Variants in MDN1 observed in about 807,000 individuals in gnomAD.
MDN1 encodes midasin AAA ATPase 1.
A neutral mutation model predicts 669.2 loss-of-function variants in MDN1; 266 were observed. That is an observed-to-expected ratio of 0.40 (90% confidence interval 0.36 to 0.44). The LOEUF (loss-of-function observed/expected upper bound fraction) is 0.44, where lower values mean the gene tolerates loss of function less well. Among genes scored for constraint, MDN1 ranks in the 20% least tolerant of loss-of-function variants. MDN1 has a pLI of 1.00. For synonymous variants in MDN1, 2,385 were observed against 2,457.1 expected (o/e 0.97, Z 0.87); for missense variants, 5,940 against 6,754.0 (o/e 0.88, Z 4.22).
At chr6:89,814,698 C>A (rs879030304) in intron 1 of MDN1, 2 of 282,288 alleles carry the variant, frequency 7.1e-6, no homozygotes. Context: ...TGGCAGGATG[C>A]GAGGGCCTCC....
At chr6:89,704,858 G>A (rs1010160390) in intron 53 of MDN1, among the ~76,000 whole-genome samples, 1 of 152,188 alleles carries the variant, frequency 6.6e-6, no homozygotes, top group African/African-American at 2.4e-5. Flanking sequence ...GGGGTTAGAG[G>A]CGTGAGCCAC....
chr6:89,710,685 T>G lies in MDN1; in HGVS notation c.7761A>C (p.Thr2587=). Residue 2587 remains threonine (T), a synonymous_variant, in exon 50 of 102, where the codon ACA becomes ACC. Transcript: ENST00000369393. ...CTAGAAATCAAAAGTGCATACCTGT[T>G]GTATTTGGTTGTAATATTTTGAAAA... ...SNVFKILQPN[T]TDEFVIPLDP... 1 of 1,557,760 alleles carries G rather than the reference T, an allele frequency of 6.4e-7. No homozygotes were observed. Among genetic ancestry groups the G allele is most frequent in the Non-Finnish European group, 8.7e-7 (1 of 1,147,726 alleles).
chr6:89,792,011 G>A (rs1819296262), intron 5 of MDN1, among the ~76,000 whole-genome samples: 1 of 151,540 alleles, frequency 6.6e-6, no homozygotes, highest in Non-Finnish European at 1.5e-5. Flanking sequence ...GGGACTACAG[G>A]TGCCTGCCAC....
chr6:89,663,513 C>A (rs1208175853), intron 85 of MDN1, among the ~76,000 whole-genome samples: 1 of 152,118 alleles, frequency 6.6e-6, no homozygotes, highest in Non-Finnish European at 1.5e-5. Flanking sequence ...ACAGTTATCT[C>A]CAATTGGACA....
intron 8 of MDN1, among the ~76,000 whole-genome samples, chr6:89,786,159 T>C (rs1478878095): frequency 1.3e-5 from 2 of 152,106 alleles, no homozygotes; most frequent in East Asian, 1.9e-4. Context: ...CCTGGGAGAC[T>C]GAGGCACGAG....
chr6:89,780,641 CTT>C (rs575664748), intron 10 of MDN1, among the ~76,000 whole-genome samples: 171 of 131,188 alleles, frequency 1.3e-3, no homozygotes, highest in African/African-American at 4.3e-3. Flanking sequence ...ATGCCATTTC[CTT>C]TTTTTTTTTT....
chr6:89,646,468 TGAAGCAAGCA>T, intron 100 of MDN1, 62 bp downstream of exon 100: 1 of 1,323,852 alleles, frequency 7.6e-7, no homozygotes, highest in Non-Finnish European at 1.1e-6. Context: ...GACACTGAGC[TGAAGCAAGCA>T]GCTTGGGAAT....
intron 27 of MDN1, among the ~76,000 whole-genome samples, chr6:89,746,311 A>T (rs968551931): frequency 2.6e-5 from 4 of 152,164 alleles, no homozygotes; most frequent in African/African-American, 9.7e-5. Flanking sequence ...TTTGCCGGGC[A>T]TGGTGGCTCA....
intron 61 of MDN1, among the ~76,000 whole-genome samples, chr6:89,694,620 C>T (rs1020608829): frequency 2.0e-5 from 3 of 152,064 alleles, no homozygotes; most frequent in Admixed American, 1.3e-4. Flanking sequence ...CATGGCTCAC[C>T]GCAGGCTTGA....
At chr6:89,663,945 A>AG (rs1458274963) in intron 85 of MDN1, among the ~76,000 whole-genome samples, 43 of 151,098 alleles carry the variant, frequency 2.8e-4, no homozygotes, top group Middle Eastern at 3.4e-3. Flanking sequence ...CCGTCTTAAA[A>AG]AAAAAAAAAA....
chr6:89,743,197 C>T lies in MDN1; in HGVS notation c.4401G>A (p.Leu1467=). 6.2e-7 allele frequency: 1 copy of T among 1,614,124 alleles called. No homozygotes were observed. The change falls in exon 31 of 102, where the codon TTG becomes TTA. Residue 1467 remains leucine (L), a synonymous_variant. Coordinates refer to ENST00000369393, the MANE Select transcript of MDN1 (RefSeq NM_014611.3). ...AGTCATCGGCCAATGAGATCTCATC[C>T]AAGAGGAAAAAGCCGTCCTCCTTCA... ...QAMKEDGFFL[L]DEISLADDSV...
intron 88 of MDN1, among the ~76,000 whole-genome samples, chr6:89,660,438 C>T (rs1809652197): frequency 6.6e-6 from 1 of 151,890 alleles, no homozygotes. Context: ...CCCACCTTGG[C>T]TTTCCAAAGT....
intron 29 of MDN1, among the ~76,000 whole-genome samples, chr6:89,744,019 C>T (rs1816434986): frequency 1.3e-5 from 2 of 149,880 alleles, no homozygotes; most frequent in African/African-American, 2.5e-5. Context: ...AGGAGAATCA[C>T]TTGAACCTGG....
chr6:89,788,851 C>T (rs747839339), intron 7 of MDN1, among the ~76,000 whole-genome samples: 3 of 152,138 alleles, frequency 2.0e-5, no homozygotes, highest in African/African-American at 7.2e-5. Context: ...GAAGGCCGGG[C>T]GCGGTGGCTC....
At chr6:89,815,268 GAT>G (rs1252108453) in intron 1 of MDN1, 1 of 447,000 alleles carries the variant, frequency 2.2e-6, no homozygotes, top group Non-Finnish European at 4.3e-6. Flanking sequence ...CAGCGCATCT[GAT>G]AGTGACCTAG....
chr6:89,677,786 C>G, intron 75 of MDN1, 90 bp from the exon 76 acceptor site: 2 of 1,548,268 alleles, frequency 1.3e-6, no homozygotes, highest in East Asian at 2.3e-5. Context: ...GCAAAGTCTT[C>G]TAAACAGCAT....
intron 58 of MDN1, 108 bp downstream of exon 58, chr6:89,699,493 C>T: frequency 7.5e-7 from 1 of 1,334,042 alleles, no homozygotes; most frequent in Non-Finnish European, 1.0e-6. Context: ...CCTGAGGTTT[C>T]CAATATGGAA....
chr6:89,648,539 T>G (rs1011117970), intron 97 of MDN1, among the ~76,000 whole-genome samples: 2 of 152,168 alleles, frequency 1.3e-5, no homozygotes, highest in Admixed American at 1.3e-4. Flanking sequence ...TCCATTACAC[T>G]GATAGGAATG....
intron 95 of MDN1, among the ~76,000 whole-genome samples, chr6:89,651,324 CA>C (rs57142164): frequency 0.014 from 1,370 of 94,586 alleles, 19 homozygotes; most frequent in African/African-American, 0.044. Flanking sequence ...GATTCCGTCT[CA>C]AAAAAAAAAA....
Sources: allele counts gnomAD v4.1 joint callset (sites outside exome capture counted in the v4.1 genomes callset), GRCh38; gene constraint gnomAD v4.1.1; transcripts MANE v1.5; gene names NCBI Gene and HGNC (gene_info 2026-07-23, HGNC 2026-07-21).